The following BRWD1 variants were observed in gnomAD, a reference collection of about 807,000 sequenced individuals.
BRWD1 encodes the protein bromodomain and WD repeat domain containing 1, also known as bromodomain and WD repeat-containing protein 1.
BRWD1 carries 82 observed loss-of-function variants against 251.2 expected under a neutral mutation model. The observed-to-expected ratio is 0.33, with a 90% CI of 0.27 to 0.39. The LOEUF (loss-of-function observed/expected upper bound fraction) is 0.39. Ranked by LOEUF, BRWD1 falls within the 10% of genes least tolerant of loss-of-function variation. The probability of loss-of-function intolerance (pLI) is 1.00; values close to 1 mark genes in which losing one functional copy is unlikely to be tolerated. For missense variants in BRWD1, 2,233 were observed against 2,711.6 expected (o/e 0.82, Z 3.92); for synonymous variants, 918 against 902.8 (o/e 1.02, Z -0.30).
intron 18 of BRWD1, among the ~76,000 whole-genome samples, chr21:39,257,125 A>G (rs569634506): frequency 2.4e-4 from 36 of 152,088 alleles, no homozygotes; most frequent in Admixed American, 5.2e-4. Context: ...ACAGCAAAGC[A>G]TAAGAAACAA....
At chr21:39,301,978 GTTTTT>G (rs750413248) in intron 4 of BRWD1, among the ~76,000 whole-genome samples, 1 of 79,866 alleles carries the variant, frequency 1.3e-5, no homozygotes, top group African/African-American at 5.1e-5. Context: ...AGCTTTGTGT[GTTTTT>G]TTTTTTTTTT....
chr21:39,261,582 G>A (rs2034747637), intron 17 of BRWD1, among the ~76,000 whole-genome samples: 1 of 152,128 alleles, frequency 6.6e-6, no homozygotes. Context: ...AAATATCTCA[G>A]TATTGTTATG....
At chr21:39,280,074 A>G in intron 9 of BRWD1, 74 bp downstream of exon 9, 1 of 1,128,170 alleles carries the variant, frequency 8.9e-7, no homozygotes. Context: ...TCATAACAAT[A>G]AAACTTCATT....
chr21:39,232,535 A>T, intron 23 of BRWD1, 37 bp from the exon 24 acceptor site: 1 of 1,577,440 alleles, frequency 6.3e-7, no homozygotes. Flanking sequence ...CTTAGATTAG[A>T]AAGGGGCAGC....
intron 8 of BRWD1, among the ~76,000 whole-genome samples, chr21:39,281,029 C>T (rs532935462): frequency 2.2e-4 from 34 of 152,120 alleles, no homozygotes; most frequent in Non-Finnish European, 3.7e-4. Context: ...CAAACACACA[C>T]TAAGCAAAGG....
intron 23 of BRWD1, 30 bp downstream of exon 23, chr21:39,236,565 A>G (rs372654901): frequency 2.7e-6 from 4 of 1,505,514 alleles, no homozygotes; most frequent in South Asian, 2.5e-5. Context: ...ATCATGATAC[A>G]TGCTATTTTT....
chr21:39,256,684 G>C (rs953440642), intron 18 of BRWD1, among the ~76,000 whole-genome samples: 5 of 152,196 alleles, frequency 3.3e-5, no homozygotes, highest in Admixed American at 1.3e-4. Flanking sequence ...CCTCTGAGGA[G>C]GAAGTCCTAG....
intron 22 of BRWD1, among the ~76,000 whole-genome samples, chr21:39,238,111 G>T (rs912412162): frequency 5.9e-5 from 9 of 151,972 alleles, no homozygotes; most frequent in African/African-American, 2.2e-4. Context: ...CTGACATTTT[G>T]GACCCAGGAA....
chr21:39,317,742 A>G (rs2036712780), upstream of BRWD1, among the ~76,000 whole-genome samples: 1 of 152,210 alleles, frequency 6.6e-6, no homozygotes, highest in Non-Finnish European at 1.5e-5. Context: ...AGATTCTGTT[A>G]TTCCCATTTT....
At chr21:39,214,490 G>C (rs1568874265) in intron 32 of BRWD1, among the ~76,000 whole-genome samples, 2 of 151,900 alleles carry the variant, frequency 1.3e-5, no homozygotes, top group African/African-American at 4.8e-5. Flanking sequence ...ATAAAGACAA[G>C]AAAAAACTGA....
At chr21:39,274,562 G>A in intron 12 of BRWD1, 90 bp from the exon 13 acceptor site, 1 of 1,040,362 alleles carries the variant, frequency 9.6e-7, no homozygotes, top group Non-Finnish European at 1.5e-6. Flanking sequence ...AGAATGTAAT[G>A]AAGCTGTCCT....
intron 40 of BRWD1, 52 bp downstream of exon 40, chr21:39,198,711 G>T (rs947777915): frequency 9.8e-5 from 144 of 1,471,356 alleles, no homozygotes; most frequent in Admixed American, 1.4e-4. Flanking sequence ...GTGTGTAAGA[G>T]AAAAGGATGG....
intron 8 of BRWD1, among the ~76,000 whole-genome samples, chr21:39,288,431 A>G (rs947756389): frequency 6.6e-6 from 1 of 152,202 alleles, no homozygotes; most frequent in African/African-American, 2.4e-5. Context: ...ACCTCCCCCA[A>G]GTTTTAATAT....
At chr21:39,313,797 A>C (rs1465576393), upstream of BRWD1, 18 of 368,784 alleles carry the variant, frequency 4.9e-5, 1 homozygote, top group African/African-American at 3.8e-4. Context: ...GATGAGGAGA[A>C]AGTGACGCGG....
upstream of BRWD1, among the ~76,000 whole-genome samples, chr21:39,318,727 C>T (rs1260747919): frequency 1.3e-5 from 2 of 152,134 alleles, no homozygotes; most frequent in African/African-American, 4.8e-5. Flanking sequence ...TCACTGCAGC[C>T]TCGCAGTCCT....
intron 21 of BRWD1, among the ~76,000 whole-genome samples, chr21:39,241,431 G>GCACTC (rs2033988256): frequency 8.6e-6 from 1 of 116,036 alleles, no homozygotes; most frequent in Non-Finnish European, 1.6e-5. Context: ...CTGTGCCACT[G>GCACTC]CACTCCAGCC....
rs746377233 is a variant in BRWD1, at chr21:39,187,236, C to A, written c.*9023G>T. The A allele has an allele frequency of 2.5e-6, 4 of 1,613,410 alleles. No individual in the cohort carries two copies. The highest frequency in any genetic ancestry group is 1.3e-5 in the African/African-American group (1 of 74,830). On this transcript the variant is annotated 3_prime_UTR_variant, in exon 41 of 41. Transcript: ENST00000342449. ...TCCAGACATTTTCTGGTCCTGAGATCGTTTCTTTTAGATTACTCATTATCT... is the reference window on the plus strand; with the variant it reads ...TCCAGACATTTTCTGGTCCTGAGATAGTTTCTTTTAGATTACTCATTATCT...
chr21:39,272,204 G>A (rs577373973), intron 13 of BRWD1, among the ~76,000 whole-genome samples: 83 of 151,550 alleles, frequency 5.5e-4, no homozygotes, highest in African/African-American at 1.6e-3. Context: ...GGAGGGCGAC[G>A]CGGGTGGATC....
At chr21:39,259,357 C>G (rs1449215891) in intron 17 of BRWD1, among the ~76,000 whole-genome samples, 1 of 152,164 alleles carries the variant, frequency 6.6e-6, no homozygotes, top group Non-Finnish European at 1.5e-5. Context: ...GTGGCGTGAT[C>G]TTGGCTTACT....
Sources: gnomAD v4.1 joint callset for allele counts (sites outside exome capture counted in the v4.1 genomes callset) on GRCh38, gnomAD v4.1.1 for gene constraint, MANE v1.5 for transcripts, NCBI Gene and HGNC (gene_info 2026-07-23, HGNC 2026-07-21) for gene names.